Variants in CCDC62 observed in about 807,000 individuals in gnomAD.
CCDC62 encodes the protein coiled-coil domain-containing protein 62.
Under a neutral mutation model 80.8 loss-of-function variants are expected in CCDC62, and 72 were observed. The observed-to-expected ratio is 0.89, with a 90% CI of 0.74 to 1.08. The LOEUF (loss-of-function observed/expected upper bound fraction) is 1.08. Among genes scored for constraint, CCDC62 ranks in the 50% least tolerant of loss-of-function variants. The pLI, the probability that CCDC62 is intolerant of heterozygous loss-of-function variation, is 0.00. For missense variants in CCDC62, 704 were observed against 809.4 expected, an observed-to-expected ratio of 0.87 and a Z score of 1.58; for synonymous variants, 286 against 296.5, an observed-to-expected ratio of 0.96 and a Z score of 0.36.
chr12:122,798,202 T>A lies in CCDC62; in HGVS notation c.977+2T>A. ...GGAATCAAAGGCTCTGGACTCCAGG[T>A]AATCTTAGCAAGATGCAATTAATAT... On this transcript the variant is annotated splice_donor_variant, in intron 8 of 12. Coordinates refer to ENST00000253079, the MANE Select transcript of CCDC62 (RefSeq NM_201435.5). LOFTEE classifies it high-confidence loss of function. 7.4e-7 allele frequency: 1 copy of A among 1,342,504 alleles called. No homozygotes were observed. The highest frequency in any genetic ancestry group is 1.2e-5 in the South Asian group (1 of 84,526). 83.2% of individuals were successfully genotyped at this position (1,342,504 alleles called of 1,614,324 possible).
Position 122,782,843 on chromosome 12 carries a change from C to T in CCDC62, c.396+1513C>T, listed in dbSNP as rs11831249. ...GTTTTTTGAGCCCGGCATGGTGGCT[C>T]ACACCTATAATCCCAGCACTTTGGG... On this transcript the variant is annotated intron_variant, in intron 3 of 12. Transcript: ENST00000253079. Among the ~76,000 whole-genome samples, 932 of 151,624 alleles carry T rather than the reference C, an allele frequency of 6.1e-3. 10 individuals carry two copies. Among genetic ancestry groups the T allele is most frequent in the African/African-American group, 0.02 (820 of 41,394 alleles).
chr12:122,818,905 A>G (rs2032287887), intron 11 of CCDC62, among the ~76,000 whole-genome samples: 1 of 152,198 alleles, frequency 6.6e-6, no homozygotes, highest in Admixed American at 6.5e-5. Context: ...CCTGGGCAAC[A>G]GAGCAAGACC....
chr12:122,785,637 A>T (rs2030164049), intron 3 of CCDC62, 82 bp from the exon 4 acceptor site: 6 of 919,664 alleles, frequency 6.5e-6, no homozygotes, highest in Non-Finnish European at 8.9e-6. Context: ...AAAATAGAGA[A>T]GTAAGCGCAG....
At position 122,813,356 on chromosome 12, in the gene CCDC62, G is replaced by A. The variant is rs764302325; in HGVS notation, c.1938G>A (p.Thr646=). The A allele has an allele frequency of 5.6e-6, 9 of 1,613,902 alleles. No homozygotes were observed. The highest frequency in any genetic ancestry group is 2.2e-5 in the East Asian group (1 of 44,874). ...TGGCGGAATCTCGTCAGATGGTGAC[G>A]GACCTGGAGCTGAGCACACTGCTGC... is the stretch of plus-strand genomic sequence containing the variant. ...RLLAESRQMV[T]DLELSTLLPI... is the part of the protein sequence containing the mutation. Residue 646 remains threonine (T), a synonymous_variant, in exon 11 of 13, where the codon ACG becomes ACA. Transcript: ENST00000253079.
intron 12 of CCDC62, among the ~76,000 whole-genome samples, chr12:122,825,084 C>T (rs192093086): frequency 6.8e-6 from 1 of 146,202 alleles, no homozygotes; most frequent in African/African-American, 2.5e-5. Context: ...GAAACTCAGT[C>T]TCAAAAAAAA....
At chr12:122,822,703 C>A (rs969812793) in intron 11 of CCDC62, among the ~76,000 whole-genome samples, 1 of 149,356 alleles carries the variant, frequency 6.7e-6, no homozygotes, top group African/African-American at 2.5e-5. Context: ...TTTTAGATTT[C>A]AAATATAAGT....
Position 122,808,049 on chromosome 12 carries a change from C to T in CCDC62, c.1851+1754C>T, listed in dbSNP as rs2031694909. Among the ~76,000 whole-genome samples, 2 of 152,090 alleles carry T rather than the reference C, an allele frequency of 1.3e-5. 1 individual carries two copies. The highest frequency in any genetic ancestry group is 4.1e-4 in the South Asian group (2 of 4,826). ...GGTAGGCCATTAAAAGTAATCCCAA[C>T]ACTTTGGGAGGCCGAGGCAGGCGGA... On this transcript the variant is annotated intron_variant, in intron 10 of 12. Coordinates refer to ENST00000253079, the MANE Select transcript of CCDC62 (RefSeq NM_201435.5).
Position 122,801,407 on chromosome 12 carries a change from C to G in CCDC62, c.1261C>G (p.Pro421Ala), listed in dbSNP as rs2031297570. Reference sequence around the variant, plus strand: ...TCTGGGAGGAAAAACCCAGATTGAACCCGAAAACAAAATTACATTGTGCAA... The same window carrying G: ...TCTGGGAGGAAAAACCCAGATTGAAGCCGAAAACAAAATTACATTGTGCAA... ...WSLGGKTQIE[P>A]ENKITLCKIH... The change falls in exon 9 of 13, where the codon CCC becomes GCC. Residue 421 changes from proline (P) to alanine (A), a missense_variant. Transcript: ENST00000253079. 2 of 1,613,696 alleles carry G rather than the reference C, an allele frequency of 1.2e-6. No homozygotes were observed. The highest frequency in any genetic ancestry group is 3.3e-5 in the Admixed American group (2 of 59,920).
chr12:122,777,818 G>A, intron 2 of CCDC62, 135 bp downstream of exon 2: 2 of 747,604 alleles, frequency 2.7e-6, no homozygotes, highest in South Asian at 1.9e-5. Flanking sequence ...GGAGACAGGA[G>A]GACTTTATGA....
intron 11 of CCDC62, among the ~76,000 whole-genome samples, chr12:122,820,365 G>A (rs918981356): frequency 3.9e-5 from 6 of 152,196 alleles, no homozygotes; most frequent in African/African-American, 1.4e-4. Flanking sequence ...GGAGGGTAGG[G>A]GTGAGGAGCG....
At chr12:122,788,596 T>A (rs1163385884) in intron 4 of CCDC62, among the ~76,000 whole-genome samples, 162 bp from the exon 5 acceptor site, 1 of 152,166 alleles carries the variant, frequency 6.6e-6, no homozygotes, top group Non-Finnish European at 1.5e-5. Context: ...GCAAGAACAA[T>A]AGTACCACCC....
chr12:122,816,726 C>G (rs905092260), intron 11 of CCDC62, among the ~76,000 whole-genome samples: 3 of 151,994 alleles, frequency 2.0e-5, no homozygotes, highest in African/African-American at 7.3e-5. Context: ...GAGTGAGACC[C>G]TATATCAAAA....
chr12:122,825,403 G>A (rs1461703566), intron 12 of CCDC62, among the ~76,000 whole-genome samples: 3 of 144,546 alleles, frequency 2.1e-5, no homozygotes, highest in Admixed American at 7.1e-5. Context: ...CTGGAGTGCA[G>A]TGGTGCGATC....
chr12:122,811,150 C>T (rs1234093054), intron 10 of CCDC62, among the ~76,000 whole-genome samples: 1 of 151,366 alleles, frequency 6.6e-6, no homozygotes, highest in African/African-American at 2.4e-5. Flanking sequence ...GCACATGTAC[C>T]CTAGAACCTA....
chr12:122,790,047 A>G (rs530119379), intron 5 of CCDC62, among the ~76,000 whole-genome samples: 10 of 152,228 alleles, frequency 6.6e-5, no homozygotes, highest in Non-Finnish European at 1.2e-4. Context: ...TATAAATTCA[A>G]TATTAAAACT....
At chr12:122,797,795 C>T (rs1473206408) in intron 7 of CCDC62, among the ~76,000 whole-genome samples, 1 of 152,152 alleles carries the variant, frequency 6.6e-6, no homozygotes, top group Non-Finnish European at 1.5e-5. Flanking sequence ...CCACCTCAGC[C>T]TCCCAAAGTG....
At chr12:122,790,131 A>G (rs1285533378) in intron 5 of CCDC62, among the ~76,000 whole-genome samples, 2 of 151,624 alleles carry the variant, frequency 1.3e-5, no homozygotes, top group Admixed American at 1.3e-4. Context: ...GCTCACTGCA[A>G]CCTCCACCTC....
At chr12:122,803,498 G>A (rs970195669) in intron 9 of CCDC62, among the ~76,000 whole-genome samples, 1 of 152,110 alleles carries the variant, frequency 6.6e-6, no homozygotes, top group African/African-American at 2.4e-5. Context: ...TTACAGAAAG[G>A]ATGAAGTTTC....
rs368281786 is a variant in CCDC62, at chr12:122,813,422, A to G, written c.2001+3A>G. ...ATCTCACTGGCAGTGCCACAAATGTATGCGTTTCATTTTCTCTTGACTATA... is the reference window on the plus strand; with the variant it reads ...ATCTCACTGGCAGTGCCACAAATGTGTGCGTTTCATTTTCTCTTGACTATA... On this transcript the variant is annotated splice_donor_region_variant and intron_variant, in intron 11 of 12. Coordinates refer to ENST00000253079, the MANE Select transcript of CCDC62 (RefSeq NM_201435.5). 2.5e-6 allele frequency: 4 copies of G among 1,609,654 alleles called. No homozygotes were observed. Among genetic ancestry groups the G allele is most frequent in the East Asian group, 2.2e-5 (1 of 44,746 alleles).
Sources: gnomAD v4.1 joint callset for allele counts (sites outside exome capture counted in the v4.1 genomes callset) on GRCh38, gnomAD v4.1.1 for gene constraint, MANE v1.5 for transcripts, NCBI Gene and HGNC (gene_info 2026-07-23, HGNC 2026-07-21) for gene names.